PUM2: variants seen among roughly 807,000 people sequenced by gnomAD.
PUM2 encodes the protein pumilio RNA binding family member 2, also known as pumilio homolog 2.
In PUM2, 57 loss-of-function variants were observed where a neutral mutation model predicts 124.5. That is an observed-to-expected ratio of 0.46 (90% confidence interval 0.37 to 0.57). The LOEUF is 0.57. Among genes scored for constraint, PUM2 ranks in the 20% least tolerant of loss-of-function variants. The probability of loss-of-function intolerance (pLI) is 0.00; values close to 1 mark genes in which losing one functional copy is unlikely to be tolerated. For missense variants in PUM2, 1,065 were observed against 1,290.6 expected, an observed-to-expected ratio of 0.83 and a Z score of 2.68; for synonymous variants, 460 against 446.1, an observed-to-expected ratio of 1.03 and a Z score of -0.39.
intron 1 of PUM2, among the ~76,000 whole-genome samples, chr2:20,336,797 TGTGTGG>T (rs1480050596): frequency 9.9e-5 from 11 of 111,180 alleles, no homozygotes; most frequent in South Asian, 2.9e-4. Context: ...TGTGTGTGTG[TGTGTGG>T]TACAGACGGG....
intron 4 of PUM2, 138 bp downstream of exon 4, chr2:20,312,098 A>G: frequency 1.3e-6 from 1 of 746,716 alleles, no homozygotes; most frequent in East Asian, 2.8e-5. Context: ...GGCTAAGCAG[A>G]AGAATAGCAA....
At chr2:20,257,623 A>G (rs1004869914) in intron 16 of PUM2, among the ~76,000 whole-genome samples, 1 of 152,184 alleles carries the variant, frequency 6.6e-6, no homozygotes, top group Non-Finnish European at 1.5e-5. Flanking sequence ...ATCAGCATTT[A>G]TCTTCATCCC....
At chr2:20,263,048 A>G (rs1171961091) in intron 14 of PUM2, 145 bp downstream of exon 14, 4 of 740,580 alleles carry the variant, frequency 5.4e-6, no homozygotes, top group African/African-American at 3.5e-5. Context: ...TCCTAACATG[A>G]AAGAAAAAAC....
chr2:20,285,406 A>T (rs576385390), intron 10 of PUM2, among the ~76,000 whole-genome samples: 2 of 152,308 alleles, frequency 1.3e-5, no homozygotes, highest in Admixed American at 1.3e-4. Context: ...TGAAATGAAA[A>T]GCAAAGCTCT....
At chr2:20,253,725 G>A in intron 20 of PUM2, 97 bp downstream of exon 20, 1 of 1,165,584 alleles carries the variant, frequency 8.6e-7, no homozygotes, top group Non-Finnish European at 1.2e-6. Context: ...TTTTCCTCCA[G>A]TTATAACATA....
chr2:20,324,691 A>T (rs988323521), intron 2 of PUM2, among the ~76,000 whole-genome samples: 1 of 152,320 alleles, frequency 6.6e-6, no homozygotes, highest in East Asian at 1.9e-4. Context: ...ACATGCTATC[A>T]GTGTAAAAAC....
chr2:20,286,597 A>G (rs948423238), intron 10 of PUM2, among the ~76,000 whole-genome samples: 7 of 152,268 alleles, frequency 4.6e-5, no homozygotes, highest in Non-Finnish European at 1.0e-4. Flanking sequence ...GGTCAACTTC[A>G]TTGTCTTCAA....
At chr2:20,297,783 G>T in intron 7 of PUM2, 105 bp from the exon 8 acceptor site, 1 of 1,118,470 alleles carries the variant, frequency 8.9e-7, no homozygotes, top group Non-Finnish European at 1.3e-6. Context: ...TGGGGGTGGG[G>T]AGCAGAGTGT....
chr2:20,288,932 T>C (rs1673353004), intron 10 of PUM2, among the ~76,000 whole-genome samples: 1 of 151,912 alleles, frequency 6.6e-6, no homozygotes. Context: ...ATGAGAGTGG[T>C]TTTTTCGTTT....
At chr2:20,255,898 T>G in intron 17 of PUM2, 135 bp downstream of exon 17, 1 of 895,262 alleles carries the variant, frequency 1.1e-6, no homozygotes, top group Non-Finnish European at 1.6e-6. Context: ...GAAATTAATG[T>G]ACATTTACTG....
chr2:20,275,404 C>T (rs12474897), intron 13 of PUM2, among the ~76,000 whole-genome samples: 44,538 of 151,798 alleles, frequency 0.29, 6,768 homozygotes, highest in Middle Eastern at 0.36. Flanking sequence ...ATTATTCTGA[C>T]TCTTACATGA....
chr2:20,264,795 C>T (rs759834334), intron 13 of PUM2, among the ~76,000 whole-genome samples: 4 of 152,020 alleles, frequency 2.6e-5, no homozygotes, highest in Non-Finnish European at 4.4e-5. Flanking sequence ...CAAAGCTATA[C>T]GGAGGTATTA....
At chr2:20,287,385 G>T (rs1378619935) in intron 10 of PUM2, among the ~76,000 whole-genome samples, 1 of 152,056 alleles carries the variant, frequency 6.6e-6, no homozygotes. Context: ...TTCATGAAAG[G>T]GACCATATTA....
intron 14 of PUM2, 79 bp downstream of exon 14, chr2:20,263,114 A>T: frequency 7.2e-7 from 1 of 1,398,372 alleles, no homozygotes; most frequent in Non-Finnish European, 9.8e-7. Flanking sequence ...ATGCAGACTA[A>T]AGTCCAGAAA....
At position 20,256,130 on chromosome 2, in the gene PUM2, C is replaced by T; in HGVS notation, c.2525G>A (p.Cys842Tyr). 1.9e-6 allele frequency: 3 copies of T among 1,600,718 alleles called. No homozygotes were observed. The highest frequency in any genetic ancestry group is 2.6e-6 in the Non-Finnish European group (3 of 1,175,646). The change falls in exon 17 of 21, where the codon TGT becomes TAT. Residue 842 changes from cysteine to tyrosine, a missense_variant. Around this residue, in one of 3 missense-constraint regions of PUM2, gnomAD observed 968 missense variants for 1,159.8 expected, o/e 0.83. Transcript: ENST00000361078. Reference protein sequence around the residue: ...VKELDGHVLKCVKDQNGNHVV... With the variant: ...VKELDGHVLKYVKDQNGNHVV... ...ATGGTTTCCATTCTGATCTTTCACACATTTGAGCACATGACCATCCAGCTC... is the reference window on the plus strand; with the variant it reads ...ATGGTTTCCATTCTGATCTTTCACATATTTGAGCACATGACCATCCAGCTC...
At chr2:20,295,323 C>T (rs1675253318) in intron 8 of PUM2, among the ~76,000 whole-genome samples, 1 of 152,054 alleles carries the variant, frequency 6.6e-6, no homozygotes, top group South Asian at 2.1e-4. Context: ...CAAACATGTC[C>T]TAAAATGTTA....
intron 13 of PUM2, among the ~76,000 whole-genome samples, chr2:20,275,447 G>A (rs923842412): frequency 2.6e-5 from 4 of 151,900 alleles, no homozygotes; most frequent in Non-Finnish European, 5.9e-5. Context: ...CAACTGATGA[G>A]GGATAGCTAT....
intron 9 of PUM2, among the ~76,000 whole-genome samples, chr2:20,292,965 G>A (rs1348681542): frequency 6.6e-6 from 1 of 151,962 alleles, no homozygotes; most frequent in African/African-American, 2.4e-5. Context: ...ACAACACTAA[G>A]GCTGAAAAAG....
Position 20,350,835 on chromosome 2 carries a change from G to C in PUM2, c.-257C>G, listed in dbSNP as rs996098135. The stretch of plus-strand genomic sequence containing the variant: ...AACAACATGGCTGCCACCGCCGCCT[G>C]CCCTCCCCTCCCCCCCGCCCACCGG... On this transcript the variant is annotated 5_prime_UTR_variant, in exon 1 of 21. Coordinates refer to ENST00000361078, the MANE Select transcript of PUM2 (RefSeq NM_015317.5). 1.0e-6 allele frequency: 1 copy of C among 969,998 alleles called. No individual in the cohort carries two copies. The highest frequency in any genetic ancestry group is 1.2e-6 in the Non-Finnish European group (1 of 817,126). 60.1% of individuals were successfully genotyped at this position (969,998 alleles called of 1,614,324 possible). A position where few individuals can be genotyped will look rare whatever the true frequency, so the allele number is the denominator to read the frequency against.
Sources: allele counts gnomAD v4.1 joint callset (sites outside exome capture counted in the v4.1 genomes callset), GRCh38; gene constraint gnomAD v4.1.1; regional missense constraint gnomAD v4.1.1; transcripts MANE v1.5; gene names NCBI Gene and HGNC (gene_info 2026-07-23, HGNC 2026-07-21).